Variants in KIRREL1 observed in about 807,000 individuals in gnomAD.
KIRREL1 encodes the protein kirre like nephrin family adhesion molecule 1.
Under a neutral mutation model 83.3 loss-of-function variants are expected in KIRREL1, and 25 were observed. That is an observed-to-expected ratio of 0.30 (90% CI 0.22 to 0.42). The LOEUF (loss-of-function observed/expected upper bound fraction) is 0.42, where lower values mean the gene tolerates loss of function less well. Ranked by LOEUF, KIRREL1 falls within the 10% of genes least tolerant of loss-of-function variation. The pLI, the probability that KIRREL1 is intolerant of heterozygous loss-of-function variation, is 1.00. For missense variants in KIRREL1, 812 were observed against 1,032.3 expected, an observed-to-expected ratio of 0.79 and a Z score of 2.92; for synonymous variants, 388 against 410.4, an observed-to-expected ratio of 0.95 and a Z score of 0.66.
At chr1:158,010,894 GGAGA>G (rs374462420) in intron 1 of KIRREL1, among the ~76,000 whole-genome samples, 2 of 152,062 alleles carry the variant, frequency 1.3e-5, no homozygotes, top group East Asian at 3.8e-4. Flanking sequence ...AGGGAAGGGA[GGAGA>G]GAGAGAGAGA....
At chr1:158,074,421 C>T (rs60401957) in intron 1 of KIRREL1, among the ~76,000 whole-genome samples, 30,021 of 152,122 alleles carry the variant, frequency 0.2, 3,027 homozygotes, top group African/African-American at 0.23. Flanking sequence ...GGATGGATGT[C>T]GGATGTTCAG....
At chr1:158,083,730 G>C (rs916798910) in intron 3 of KIRREL1, among the ~76,000 whole-genome samples, 15 of 152,154 alleles carry the variant, frequency 9.9e-5, no homozygotes, top group African/African-American at 3.6e-4. Context: ...CCACCTTTCC[G>C]AGCCAGACTC....
At chr1:158,016,816 G>A (rs1659839385) in intron 1 of KIRREL1, among the ~76,000 whole-genome samples, 1 of 152,174 alleles carries the variant, frequency 6.6e-6, no homozygotes, top group East Asian at 1.9e-4. Flanking sequence ...GTCAGACAGG[G>A]AGAGGGCTAA....
intron 1 of KIRREL1, among the ~76,000 whole-genome samples, chr1:158,072,021 T>A (rs1050187683): frequency 6.6e-6 from 1 of 152,124 alleles, no homozygotes; most frequent in African/African-American, 2.4e-5. Context: ...TTTCTAGGCT[T>A]TCTCCTCTGC....
chr1:158,007,074 C>T (rs1443576385), intron 1 of KIRREL1, among the ~76,000 whole-genome samples: 2 of 152,128 alleles, frequency 1.3e-5, no homozygotes, highest in East Asian at 3.9e-4. Flanking sequence ...TCCTGGGATA[C>T]TGAACCGTAT....
At chr1:158,044,568 G>A (rs958965889) in intron 1 of KIRREL1, among the ~76,000 whole-genome samples, 2 of 152,056 alleles carry the variant, frequency 1.3e-5, no homozygotes, top group East Asian at 1.9e-4. Context: ...GCACGAACTC[G>A]GCTTACTGCA....
At chr1:158,058,422 G>GC (rs1216333853) in intron 1 of KIRREL1, among the ~76,000 whole-genome samples, 52 of 152,168 alleles carry the variant, frequency 3.4e-4, no homozygotes, top group African/African-American at 1.2e-3. Context: ...TCCCTGCCCT[G>GC]CCCCAGGCTT....
Sources: allele counts gnomAD v4.1 joint callset (sites outside exome capture counted in the v4.1 genomes callset), GRCh38; gene constraint gnomAD v4.1.1; transcripts MANE v1.5; gene names NCBI Gene and HGNC (gene_info 2026-07-23, HGNC 2026-07-21).